Variants in PFKFB2 observed in about 807,000 individuals in gnomAD.
PFKFB2 encodes the protein 6-phosphofructo-2-kinase/fructose-2,6-bisphosphatase 2.
PFKFB2 carries 53 observed loss-of-function variants against 68.0 expected under a neutral mutation model. That is an observed-to-expected ratio of 0.78 (90% CI 0.63 to 0.98). The LOEUF is 0.98. Among genes scored for constraint, PFKFB2 ranks in the 50% least tolerant of loss-of-function variants. PFKFB2 has a pLI of 0.00. For synonymous variants in PFKFB2, 222 were observed against 227.6 expected, an observed-to-expected ratio of 0.98 and a Z score of 0.22; for missense variants, 451 against 642.0, an observed-to-expected ratio of 0.70 and a Z score of 3.22.
chr1:207,060,563 G>C (rs981208818), intron 2 of PFKFB2, among the ~76,000 whole-genome samples: 3 of 152,158 alleles, frequency 2.0e-5, no homozygotes, highest in Non-Finnish European at 2.9e-5. Context: ...CATGACCTGA[G>C]TGAAAAGGCC....
chr1:207,068,054 C>A (rs373408324), intron 9 of PFKFB2, 109 bp from the exon 10 acceptor site: 5 of 1,007,378 alleles, frequency 5.0e-6, no homozygotes, highest in African/African-American at 3.3e-5. Context: ...CACGTTGTCC[C>A]TTACAGACCA....
chr1:207,054,964 T>G (rs1381700644), intron 2 of PFKFB2, 162 bp downstream of exon 2: 1 of 581,726 alleles, frequency 1.7e-6, no homozygotes, highest in East Asian at 3.0e-5. Flanking sequence ...CTAAAACAAG[T>G]AGACTTAGTG....
At chr1:207,050,690 G>C, upstream of PFKFB2, 1 of 1,613,122 alleles carries the variant, frequency 6.2e-7, no homozygotes, top group Non-Finnish European at 8.5e-7. Flanking sequence ...TTCCTTACCA[G>C]ATTGGATGGG....
rs1682617976 is a variant in PFKFB2, at chr1:207,047,110, A to G, written c.-18+4898A>G. ...ACAAAACCAAAACCATCCAGATCAG[A>G]TGAGAGTCAGGTGTGGAGAGATTTT... On this transcript the variant is annotated intron_variant, in intron 2 of 5. Coordinates refer to the PFKFB2 transcript ENST00000545806. The G allele has an allele frequency of 2.0e-5, 3 of 152,686 alleles. No individual in the cohort carries two copies. In the South Asian group the frequency reaches 6.2e-4, roughly 32 times the overall value. The allele number at this position is 152,686 out of a possible 1,614,324, so 9.5% of individuals were successfully genotyped here. A position where few individuals can be genotyped will look rare whatever the true frequency, so the allele number is the denominator to read the frequency against.
At chr1:207,071,407 A>G in intron 13 of PFKFB2, 102 bp from the exon 14 acceptor site, 7 of 1,072,206 alleles carry the variant, frequency 6.5e-6, no homozygotes, top group Non-Finnish European at 1.0e-5. Flanking sequence ...GACTGTGTGT[A>G]TTGCAGAATG....
Position 207,074,949 on chromosome 1 carries a change from G to C in PFKFB2, c.*2578G>C. 1.0e-6 allele frequency: 1 copy of C among 985,470 alleles called. No individual in the cohort carries two copies. Among genetic ancestry groups the C allele is most frequent in the Non-Finnish European group, 1.2e-6 (1 of 829,948 alleles). The allele number at this position is 985,470 out of a possible 1,614,324, so 61.0% of individuals were successfully genotyped here. A position where few individuals can be genotyped will look rare whatever the true frequency, so the allele number is the denominator to read the frequency against. On this transcript the variant is annotated 3_prime_UTR_variant, in exon 15 of 15. Coordinates refer to ENST00000367080, the MANE Select transcript of PFKFB2 (RefSeq NM_006212.2). ...TGTGAGAATGAGATATGGTTGGGGAGGCGTGTTTGGCACTTTTACAAGGTT... is the reference window on the plus strand; with the variant it reads ...TGTGAGAATGAGATATGGTTGGGGACGCGTGTTTGGCACTTTTACAAGGTT...
Position 207,067,549 on chromosome 1 carries a change from A to G in PFKFB2, c.683A>G (p.Asn228Ser), listed in dbSNP as rs776928187. Residue 228 changes from asparagine to serine, a missense_variant, in exon 9 of 15, where the codon AAC becomes AGC. Coordinates refer to ENST00000367080, the MANE Select transcript of PFKFB2 (RefSeq NM_006212.2). The part of the protein sequence containing the change: ...VINVGQRFLV[N>S]RVQDYIQSKI... Reference sequence around the variant, plus strand: ...AACGTGGGCCAGCGATTTTTAGTCAACAGAGTCCAGGACTACATCCAGAGC... The same window carrying G: ...AACGTGGGCCAGCGATTTTTAGTCAGCAGAGTCCAGGACTACATCCAGAGC... The G allele has an allele frequency of 6.2e-7, 1 of 1,614,024 alleles. No individual in the cohort carries two copies. The highest frequency in any genetic ancestry group is 1.1e-5 in the South Asian group (1 of 91,068).
chr1:207,037,424 C>G (rs1682396790), intron 1 of PFKFB2, among the ~76,000 whole-genome samples: 1 of 152,170 alleles, frequency 6.6e-6, no homozygotes, highest in African/African-American at 2.4e-5. Context: ...GAGTCTTCCT[C>G]CCTATATACA....
upstream of PFKFB2, chr1:207,050,923 G>A (rs1682729921): frequency 1.3e-6 from 2 of 1,590,794 alleles, no homozygotes; most frequent in Non-Finnish European, 1.7e-6. Flanking sequence ...CCACAGGCCA[G>A]GCACCCGCGG....
rs59605013 is a variant in PFKFB2, at chr1:207,055,725, A to G, written c.85+923A>G. Among the ~76,000 whole-genome samples the G allele has an allele frequency of 1.6e-4, 24 of 152,250 alleles. 1 individual carries two copies. In the East Asian group the frequency reaches 3.3e-3, roughly 21 times the overall value. On this transcript the variant is annotated intron_variant, in intron 2 of 14. Transcript: ENST00000367080. ...GGAAACAGCCGACCAGCATGAGACC[A>G]GGAATTATCTCATGTTCAAAGCTTT...
Position 207,072,585 on chromosome 1 carries a change from G to A in PFKFB2, c.*214G>A. 2.3e-6 allele frequency: 3 copies of A among 1,332,346 alleles called. No individual in the cohort carries two copies. The highest frequency in any genetic ancestry group is 2.9e-6 in the Non-Finnish European group (3 of 1,043,120). 82.5% of individuals were successfully genotyped at this position (1,332,346 alleles called of 1,614,324 possible). A position where few individuals can be genotyped will look rare whatever the true frequency, so the allele number is the denominator to read the frequency against. ...CAGTTTGAAACATCTTTTCACCCAG[G>A]GGCAAGTTAGCAAATTGAGTCTTTT... is the stretch of plus-strand genomic sequence containing the variant. On this transcript the variant is annotated 3_prime_UTR_variant, in exon 15 of 15. Coordinates refer to ENST00000367080, the MANE Select transcript of PFKFB2 (RefSeq NM_006212.2).
chr1:207,051,062 C>T, upstream of PFKFB2: 2 of 1,471,940 alleles, frequency 1.4e-6, no homozygotes, highest in Non-Finnish European at 1.8e-6. Context: ...GCAGTTATCG[C>T]GACGCTTCGG....
At chr1:207,079,090 A>G (rs1434458042), downstream of PFKFB2, 2 of 1,326,424 alleles carry the variant, frequency 1.5e-6, no homozygotes, top group Non-Finnish European at 2.2e-6. Context: ...TGTCAGCTTC[A>G]CAGAGGCTAG....
chr1:207,060,648 T>C (rs146615199), intron 2 of PFKFB2, among the ~76,000 whole-genome samples: 2 of 152,246 alleles, frequency 1.3e-5, no homozygotes, highest in East Asian at 3.9e-4. Flanking sequence ...ATGAGTGGGA[T>C]CCTGGAGACA....
rs558892601 is a variant in PFKFB2 at position 207,073,631 on chromosome 1, T to C, written c.*1260T>C. Reference sequence around the variant, plus strand: ...CTTTTGTTCATAAAGAGAAACTATCTCATCTTGATGTCCAGAGAAGTCCTT... The same window carrying C: ...CTTTTGTTCATAAAGAGAAACTATCCCATCTTGATGTCCAGAGAAGTCCTT... On this transcript the variant is annotated 3_prime_UTR_variant, in exon 15 of 15. Transcript: ENST00000367080. The C allele has an allele frequency of 1.5e-5, 15 of 984,346 alleles. No homozygotes were observed. In the African/African-American group the frequency reaches 2.4e-4, roughly 16 times the overall value. 61.0% of individuals were successfully genotyped at this position (984,346 alleles called of 1,614,324 possible). A position where few individuals can be genotyped will look rare whatever the true frequency, so the allele number is the denominator to read the frequency against.
chr1:207,045,999 C>T (rs893070438), intron 2 of PFKFB2: 1 of 152,016 alleles, frequency 6.6e-6, no homozygotes, highest in African/African-American at 2.4e-5. Context: ...CTAATGTCTT[C>T]ACTTGGCTAA....
chr1:207,041,225 G>C (rs970238496), intron 1 of PFKFB2, among the ~76,000 whole-genome samples: 3 of 151,756 alleles, frequency 2.0e-5, no homozygotes, highest in African/African-American at 7.3e-5. Flanking sequence ...ACCGCGCCTG[G>C]CCAGATTTTT....
chr1:207,071,952 G>T (rs1402640740), intron 14 of PFKFB2, among the ~76,000 whole-genome samples: 1 of 152,164 alleles, frequency 6.6e-6, no homozygotes, highest in East Asian at 1.9e-4. Context: ...CTGGTAATCT[G>T]TGTGGTCTTC....
chr1:207,061,099 TTATA>T (rs1408342177), intron 2 of PFKFB2, among the ~76,000 whole-genome samples: 2 of 71,434 alleles, frequency 2.8e-5, no homozygotes, highest in Non-Finnish European at 5.7e-5. Context: ...ATATATATCT[TTATA>T]TATATCTATA....
Sources: allele counts gnomAD v4.1 joint callset (sites outside exome capture counted in the v4.1 genomes callset), GRCh38; gene constraint gnomAD v4.1.1; transcripts MANE v1.5; gene names NCBI Gene and HGNC (gene_info 2026-07-23, HGNC 2026-07-21).